Variants in KCNN3 observed in about 807,000 individuals in gnomAD.
The protein encoded by KCNN3 is small conductance calcium-activated potassium channel protein 3.
KCNN3 carries 16 observed loss-of-function variants against 62.9 expected under a neutral mutation model. That is an observed-to-expected ratio of 0.25 (90% CI 0.17 to 0.39). KCNN3 has a LOEUF of 0.39. KCNN3 is among the 10% of genes least tolerant of loss of function. The probability of loss-of-function intolerance (pLI) is 1.00; values close to 1 mark genes in which losing one functional copy is unlikely to be tolerated. For synonymous variants in KCNN3, 370 were observed against 389.2 expected (o/e 0.95, Z 0.58); for missense variants, 599 against 949.4 (o/e 0.63, Z 4.85).
chr1:154,839,469 G>C (rs1651736276), intron 1 of KCNN3, among the ~76,000 whole-genome samples: 1 of 152,212 alleles, frequency 6.6e-6, no homozygotes, highest in African/African-American at 2.4e-5. Context: ...AGCACCACCA[G>C]CTGATAGGGA....
chr1:154,748,156 G>C (rs1321671790), intron 3 of KCNN3, among the ~76,000 whole-genome samples: 1 of 152,140 alleles, frequency 6.6e-6, no homozygotes, highest in Non-Finnish European at 1.5e-5. Context: ...TTTAAACCTG[G>C]TCTCATCTCA....
Position 154,800,338 on chromosome 1 carries a change from C to T in KCNN3, c.1029+21751G>A, listed in dbSNP as rs1649902613. Among the ~76,000 whole-genome samples the T allele has an allele frequency of 2.6e-5, 4 of 152,300 alleles. No homozygotes were observed. The South Asian group carries it at 8.3e-4, about 32-fold the overall frequency. On this transcript the variant is annotated intron_variant, in intron 2 of 7. Transcript: ENST00000271915. Reference sequence around the variant, plus strand: ...GATTTCCATTGCTTTCCCACCAGGGCCAAGCTCCTGTGCTGATATTGGTAC... The same window carrying T: ...GATTTCCATTGCTTTCCCACCAGGGTCAAGCTCCTGTGCTGATATTGGTAC...
chr1:154,844,583 A>G (rs186350759), intron 1 of KCNN3, among the ~76,000 whole-genome samples: 1 of 152,346 alleles, frequency 6.6e-6, no homozygotes, highest in African/African-American at 2.4e-5. Flanking sequence ...GTAACAACAA[A>G]ACCCCCACTC....
At chr1:154,745,577 G>A (rs1036952622) in intron 3 of KCNN3, among the ~76,000 whole-genome samples, 1 of 152,138 alleles carries the variant, frequency 6.6e-6, no homozygotes, top group Admixed American at 6.5e-5. Flanking sequence ...CTCTTCTCTT[G>A]GGTCTCTTGG....
intron 7 of KCNN3, among the ~76,000 whole-genome samples, chr1:154,709,902 C>T (rs1461379444): frequency 6.6e-6 from 1 of 152,234 alleles, no homozygotes; most frequent in Non-Finnish European, 1.5e-5. Context: ...CACGCTGGTG[C>T]TCACCAACTG....
chr1:154,779,033 AT>A (rs1346498462), intron 2 of KCNN3, among the ~76,000 whole-genome samples: 1 of 152,144 alleles, frequency 6.6e-6, no homozygotes, highest in Non-Finnish European at 1.5e-5. Context: ...CTATAGACAC[AT>A]GGCCTCACTA....
At position 154,869,547 on chromosome 1, in the gene KCNN3, A is replaced by G; in HGVS notation, c.418T>C (p.Ser140Pro). 6.2e-7 allele frequency: 1 copy of G among 1,613,854 alleles called. No homozygotes were observed. Among genetic ancestry groups the G allele is most frequent in the Non-Finnish European group, 8.5e-7 (1 of 1,179,944 alleles). The change falls in exon 1 of 8, where the codon TCT becomes CCT. Residue 140 changes from serine (S) to proline (P), a missense_variant. By Grantham distance (74) the Ser-to-Pro change is moderately conservative. Around this residue, in one of 7 missense-constraint regions of KCNN3, gnomAD observed 112 missense variants for 142.9 expected, o/e 0.78. Coordinates refer to ENST00000271915, the MANE Select transcript of KCNN3 (RefSeq NM_002249.6). This position sits in a 1 kb window ranked among gnomAD's most constrained non-coding sequence, Gnocchi z 6.1. The part of the protein sequence containing the change: ...LNLNDHLLGH[S>P]PSSTATSGPG... ...CCACTTGTAGCTGTGGAACTTGGAG[A>G]GTGGCCAAGCAAGTGGTCATTGAGA...
intron 2 of KCNN3, among the ~76,000 whole-genome samples, chr1:154,793,421 G>A (rs1188794098): frequency 6.6e-6 from 1 of 152,118 alleles, no homozygotes; most frequent in African/African-American, 2.4e-5. Flanking sequence ...GGGATGTCGG[G>A]GGCATGGGAG....
intron 6 of KCNN3, among the ~76,000 whole-genome samples, chr1:154,714,319 G>GGTGTGTGTGGT (rs1468934729): frequency 1.8e-5 from 1 of 55,134 alleles, no homozygotes; most frequent in Non-Finnish European, 3.5e-5. Flanking sequence ...GTTTGTGTGA[G>GGTGTGTGTGGT]GTGTGTGTGT....
At chr1:154,786,672 A>G (rs773962296) in intron 2 of KCNN3, among the ~76,000 whole-genome samples, 1 of 152,234 alleles carries the variant, frequency 6.6e-6, no homozygotes, top group East Asian at 1.9e-4. Context: ...AAGGTGCATT[A>G]ATCACCTCTG....
At chr1:154,856,344 T>C (rs114173726) in intron 1 of KCNN3, among the ~76,000 whole-genome samples, 2,233 of 152,212 alleles carry the variant, frequency 0.015, 51 homozygotes, top group African/African-American at 0.051. Context: ...GCTTGTGGGA[T>C]AGGAAGATAA....
chr1:154,800,506 TG>T (rs1649910675), intron 2 of KCNN3, among the ~76,000 whole-genome samples: 1 of 152,062 alleles, frequency 6.6e-6, no homozygotes, highest in Non-Finnish European at 1.5e-5. Flanking sequence ...GGCCGGTGAT[TG>T]TTAAGAGATC....
chr1:154,859,026 G>A (rs1652650213), intron 1 of KCNN3, among the ~76,000 whole-genome samples: 1 of 152,182 alleles, frequency 6.6e-6, no homozygotes, highest in Non-Finnish European at 1.5e-5. Flanking sequence ...CCCCCCTGAG[G>A]AGGCCTCCCC....
intron 1 of KCNN3, among the ~76,000 whole-genome samples, chr1:154,848,282 A>G (rs1191864142): frequency 6.6e-6 from 1 of 152,046 alleles, no homozygotes; most frequent in Non-Finnish European, 1.5e-5. Flanking sequence ...CAACTCAGAT[A>G]CCCAGGATGG....
In KCNN3 at chr1:154,701,641, T is replaced by C. The variant is rs1382047712; in HGVS notation, c.*6335A>G. ...CAGAAAAGGCAGCCCGGCTCTTTGC[T>C]GGCTCTGGCTGTTCATGTCCTGCCG... On this transcript the variant is annotated 3_prime_UTR_variant, in exon 8 of 8. Coordinates refer to ENST00000271915, the MANE Select transcript of KCNN3 (RefSeq NM_002249.6). 1 of 152,266 alleles carries C rather than the reference T, an allele frequency of 6.6e-6. No individual in the cohort carries two copies. Among genetic ancestry groups the C allele is most frequent in the Non-Finnish European group, 1.5e-5 (1 of 68,058 alleles). 9.4% of individuals were successfully genotyped at this position (152,266 alleles called of 1,614,324 possible).
In KCNN3 at chr1:154,707,796, A is replaced by T. The variant is rs937550049; in HGVS notation, c.*180T>A. 1 of 684,858 alleles carries T rather than the reference A, an allele frequency of 1.5e-6. No homozygotes were observed. Among genetic ancestry groups the T allele is most frequent in the African/African-American group, 1.8e-5 (1 of 55,680 alleles). The allele number at this position is 684,858 out of a possible 1,614,324, so 42.4% of individuals were successfully genotyped here. On this transcript the variant is annotated 3_prime_UTR_variant, in exon 8 of 8. Transcript: ENST00000271915. ...GTAGAGGCACCTAAACAGAGATTAG[A>T]TTTCTGGTTTCAAGGCATGTCGGAC...
intron 1 of KCNN3, among the ~76,000 whole-genome samples, chr1:154,867,335 C>T (rs968003508): frequency 6.6e-6 from 1 of 152,218 alleles, no homozygotes; most frequent in African/African-American, 2.4e-5. Flanking sequence ...GGAAACCCCA[C>T]TCGCTTCTGC....
chr1:154,734,985 G>T (rs1409435397), intron 3 of KCNN3, among the ~76,000 whole-genome samples: 1 of 105,518 alleles, frequency 9.5e-6, no homozygotes, highest in Non-Finnish European at 2.3e-5. Context: ...CCAGTAGCAG[G>T]TGACCAGGGG....
At chr1:154,732,056 G>C (rs1398640656) in intron 4 of KCNN3, among the ~76,000 whole-genome samples, 1 of 152,338 alleles carries the variant, frequency 6.6e-6, no homozygotes, top group South Asian at 2.1e-4. Flanking sequence ...ACTGACCTGT[G>C]TGTGGCCGCT....
Sources: gnomAD v4.1 joint callset for allele counts (sites outside exome capture counted in the v4.1 genomes callset) on GRCh38, gnomAD v4.1.1 for gene constraint, gnomAD v4.1.1 regional missense constraint, Gnocchi (gnomAD v3.1) non-coding constraint, MANE v1.5 for transcripts, NCBI Gene and HGNC (gene_info 2026-07-23, HGNC 2026-07-21) for gene names.